The following RALYL variants were observed in gnomAD, a reference collection of about 807,000 sequenced individuals.
The protein encoded by RALYL is RNA-binding Raly-like protein.
A neutral mutation model predicts 35.1 loss-of-function variants in RALYL; 29 were observed. That is an observed-to-expected ratio of 0.83 (90% CI 0.61 to 1.13). The LOEUF is 1.13. Among genes scored for constraint, RALYL ranks in the 50% most tolerant of loss-of-function variants. RALYL has a pLI of 0.00. For synonymous variants in RALYL, 120 were observed against 127.6 expected (o/e 0.94, Z 0.40); for missense variants, 359 against 360.4 (o/e 1.00, Z 0.03).
chr8:84,660,546 A>C (rs1830706051), intron 2 of RALYL, among the ~76,000 whole-genome samples: 1 of 151,914 alleles, frequency 6.6e-6, no homozygotes. Context: ...ATCATTTCAT[A>C]GAGTTTATAT....
intron 1 of RALYL, among the ~76,000 whole-genome samples, chr8:84,191,073 AT>A (rs1346058902): frequency 6.6e-6 from 1 of 151,920 alleles, no homozygotes; most frequent in Admixed American, 6.6e-5. Flanking sequence ...AAATCCATGA[AT>A]TTTTGAAATA....
intron 2 of RALYL, among the ~76,000 whole-genome samples, chr8:84,687,162 G>C (rs891302338): frequency 6.6e-6 from 1 of 151,952 alleles, no homozygotes; most frequent in African/African-American, 2.4e-5. Flanking sequence ...TGTTCCTTGA[G>C]GTTTAACCTA....
chr8:84,553,779 T>C (rs2060910828), intron 2 of RALYL, among the ~76,000 whole-genome samples: 1 of 152,200 alleles, frequency 6.6e-6, no homozygotes, highest in African/African-American at 2.4e-5. Flanking sequence ...GCAGTGGTCC[T>C]TTAAGAAAAT....
rs1563800033 is a variant in RALYL, at chr8:84,367,328, T to TTTTTTTTG, written c.-23-161964_-23-161963insGTTTTTTT. Among the ~76,000 whole-genome samples the TTTTTTTTG allele has an allele frequency of 1.4e-3, 33 of 24,418 alleles. 2 individuals are homozygous for TTTTTTTTG. The highest frequency in any genetic ancestry group is 1.8e-3 in the Non-Finnish European group (26 of 14,718). 16.0% of individuals were successfully genotyped at this position (24,418 alleles called of 152,430 possible). ...CCAACTAATTTTTGTATTTTTTTTT[T>TTTTTTTTG]TTTTTTTTTTTTTTTTTTTTTTTTT... On this transcript the variant is annotated intron_variant, in intron 1 of 8. Coordinates refer to ENST00000521268, the MANE Select transcript of RALYL (RefSeq NM_173848.7).
At chr8:84,710,404 C>T (rs1399637933) in intron 2 of RALYL, among the ~76,000 whole-genome samples, 1 of 152,034 alleles carries the variant, frequency 6.6e-6, no homozygotes, top group African/African-American at 2.4e-5. Flanking sequence ...CAGGTTCAAG[C>T]GATTCTCCTT....
chr8:84,206,803 T>C (rs113548999), intron 1 of RALYL, among the ~76,000 whole-genome samples: 3 of 152,230 alleles, frequency 2.0e-5, no homozygotes, highest in African/African-American at 4.8e-5. Context: ...AGTGAGGAAG[T>C]TGAAAGTTGT....
intron 2 of RALYL, among the ~76,000 whole-genome samples, chr8:84,657,637 A>G (rs964920749): frequency 1.1e-4 from 16 of 152,314 alleles, no homozygotes; most frequent in Non-Finnish European, 1.6e-4. Context: ...GTCGAGTGAA[A>G]AAACAAATCA....
chr8:84,860,316 T>G (rs992300617), intron 5 of RALYL, among the ~76,000 whole-genome samples: 1 of 152,158 alleles, frequency 6.6e-6, no homozygotes, highest in Non-Finnish European at 1.5e-5. Context: ...CACATTGGTG[T>G]CCTAGGGAAA....
intron 2 of RALYL, among the ~76,000 whole-genome samples, chr8:84,538,862 A>G (rs1167110507): frequency 6.6e-6 from 1 of 152,218 alleles, no homozygotes; most frequent in Non-Finnish European, 1.5e-5. Flanking sequence ...ACACACATCA[A>G]GTGCTACCGG....
At chr8:84,525,729 C>G (rs1285502325) in intron 1 of RALYL, among the ~76,000 whole-genome samples, 1 of 151,750 alleles carries the variant, frequency 6.6e-6, no homozygotes, top group Non-Finnish European at 1.5e-5. Flanking sequence ...TTCACAAATT[C>G]GTTCTTCTGC....
At chr8:84,702,555 A>G (rs568227217) in intron 2 of RALYL, among the ~76,000 whole-genome samples, 155 of 151,502 alleles carry the variant, frequency 1.0e-3, no homozygotes, top group Middle Eastern at 3.4e-3. Flanking sequence ...ACACACACAC[A>G]CACACACACA....
chr8:84,647,200 A>T (rs1827683245), intron 2 of RALYL, among the ~76,000 whole-genome samples: 1 of 152,086 alleles, frequency 6.6e-6, no homozygotes, highest in Non-Finnish European at 1.5e-5. Context: ...TATATTAAAC[A>T]AAGCCTTGAA....
chr8:84,497,049 A>G (rs2056110193), intron 1 of RALYL, among the ~76,000 whole-genome samples: 1 of 152,166 alleles, frequency 6.6e-6, no homozygotes, highest in African/African-American at 2.4e-5. Flanking sequence ...GCAAAACTCT[A>G]AAACCATGAG....
intron 3 of RALYL, among the ~76,000 whole-genome samples, chr8:84,783,421 A>G (rs1165783534): frequency 6.6e-6 from 1 of 152,202 alleles, no homozygotes; most frequent in African/African-American, 2.4e-5. Context: ...AAACACATGC[A>G]ACCTATTACA....
intron 1 of RALYL, among the ~76,000 whole-genome samples, chr8:84,285,337 C>T (rs1837384739): frequency 6.6e-6 from 1 of 152,072 alleles, no homozygotes; most frequent in South Asian, 2.1e-4. Flanking sequence ...TATATTTTGA[C>T]ATTTGAGAGT....
rs554148407 is a variant in RALYL at position 84,524,064 on chromosome 8, A to C, written c.-23-5235A>C. ...GATGGCTGGGTCAAATGGTATTTCT[A>C]GTTCTAGATCCCTGAGGAATCGCCA... On this transcript the variant is annotated intron_variant, in intron 1 of 8. Coordinates refer to ENST00000521268, the MANE Select transcript of RALYL (RefSeq NM_173848.7). Among the ~76,000 whole-genome samples, 100 of 152,160 alleles carry C rather than the reference A, an allele frequency of 6.6e-4. 1 individual carries two copies. The highest frequency in any genetic ancestry group is 4.7e-3 in the Admixed American group (72 of 15,294).
intron 4 of RALYL, among the ~76,000 whole-genome samples, chr8:84,813,948 G>C (rs1219404956): frequency 1.5e-5 from 2 of 137,160 alleles, no homozygotes; most frequent in African/African-American, 2.8e-5. Context: ...CCCTTCCTGT[G>C]CCTAAGTGTT....
chr8:84,266,737 G>A (rs991697808), intron 1 of RALYL, among the ~76,000 whole-genome samples: 1 of 152,074 alleles, frequency 6.6e-6, no homozygotes, highest in African/African-American at 2.4e-5. Flanking sequence ...GAGGCGGGCG[G>A]ATCACGAGGT....
intron 2 of RALYL, among the ~76,000 whole-genome samples, chr8:84,656,406 C>A (rs1211926994): frequency 6.6e-6 from 1 of 152,070 alleles, no homozygotes; most frequent in African/African-American, 2.4e-5. Context: ...TTAAATTAAT[C>A]CATAAAGATG....
Sources: allele counts gnomAD v4.1 joint callset (sites outside exome capture counted in the v4.1 genomes callset), GRCh38; gene constraint gnomAD v4.1.1; transcripts MANE v1.5; gene names NCBI Gene and HGNC (gene_info 2026-07-23, HGNC 2026-07-21).